The following GALNT11 variants were observed in gnomAD, a reference collection of about 807,000 sequenced individuals.
The protein encoded by GALNT11 is UDP-GalNAc:polypeptide N-acetylgalactosaminyltransferase 11.
A neutral mutation model predicts 72.7 loss-of-function variants in GALNT11; 47 were observed. That is an observed-to-expected ratio of 0.65 (90% CI 0.51 to 0.82). The LOEUF is 0.82. Among genes scored for constraint, GALNT11 ranks in the 40% least tolerant of loss-of-function variants. The pLI is 0.00. For synonymous variants in GALNT11, 270 were observed against 286.6 expected, an observed-to-expected ratio of 0.94 and a Z score of 0.58; for missense variants, 677 against 778.4, an observed-to-expected ratio of 0.87 and a Z score of 1.55.
intron 1 of GALNT11, among the ~76,000 whole-genome samples, chr7:152,026,756 C>T (rs560467433): frequency 6.6e-6 from 1 of 152,338 alleles, no homozygotes; most frequent in African/African-American, 2.4e-5. Context: ...TACCCATGAC[C>T]TGGAAGCCGC....
chr7:152,093,761 A>G (rs2086194861), intron 1 of GALNT11, among the ~76,000 whole-genome samples: 1 of 152,176 alleles, frequency 6.6e-6, no homozygotes, highest in Non-Finnish European at 1.5e-5. Context: ...TTTTAATAAT[A>G]GATTTTTAAG....
At chr7:152,042,558 G>A (rs901487244) in intron 1 of GALNT11, among the ~76,000 whole-genome samples, 6 of 152,100 alleles carry the variant, frequency 3.9e-5, no homozygotes, top group Admixed American at 6.6e-5. Flanking sequence ...AACAATGGCC[G>A]CCATCAAAAA....
At chr7:152,117,522 T>A in intron 9 of GALNT11, 147 bp downstream of exon 9, 1 of 763,890 alleles carries the variant, frequency 1.3e-6, no homozygotes, top group Non-Finnish European at 2.1e-6. Context: ...ATTCTCTTTA[T>A]GGGAACTTCT....
intron 1 of GALNT11, among the ~76,000 whole-genome samples, chr7:152,049,513 C>T (rs1460296587): frequency 6.6e-6 from 1 of 152,154 alleles, no homozygotes; most frequent in African/African-American, 2.4e-5. Flanking sequence ...CTTCCTGGAG[C>T]TGGGGGAGTG....
At chr7:152,111,064 G>A (rs1015566239) in intron 7 of GALNT11, among the ~76,000 whole-genome samples, 1 of 152,104 alleles carries the variant, frequency 6.6e-6, no homozygotes, top group South Asian at 2.1e-4. Flanking sequence ...GATAATATCT[G>A]TTCGAAATGT....
chr7:152,056,727 CAACT>C (rs750457012), intron 1 of GALNT11, among the ~76,000 whole-genome samples: 1 of 152,134 alleles, frequency 6.6e-6, no homozygotes, highest in Non-Finnish European at 1.5e-5. Context: ...GGACAAGACT[CAACT>C]AAATCATGTG....
intron 1 of GALNT11, among the ~76,000 whole-genome samples, chr7:152,053,469 T>C (rs149385043): frequency 2.6e-4 from 40 of 152,374 alleles, no homozygotes; most frequent in African/African-American, 7.2e-4. Context: ...TCTCAACTTA[T>C]CTAAGAAATC....
At chr7:152,049,791 A>G (rs1302631611) in intron 1 of GALNT11, among the ~76,000 whole-genome samples, 1 of 152,080 alleles carries the variant, frequency 6.6e-6, no homozygotes, top group Non-Finnish European at 1.5e-5. Flanking sequence ...TTAGGAATCT[A>G]CCTGGTGCTC....
At chr7:152,109,489 G>A (rs2087951719) in intron 6 of GALNT11, among the ~76,000 whole-genome samples, 1 of 152,084 alleles carries the variant, frequency 6.6e-6, no homozygotes, top group Non-Finnish European at 1.5e-5. Flanking sequence ...TATAAACATG[G>A]TTACTTTTTT....
At chr7:152,096,942 C>G (rs1257725590) in intron 2 of GALNT11, among the ~76,000 whole-genome samples, 1 of 152,130 alleles carries the variant, frequency 6.6e-6, no homozygotes, top group Non-Finnish European at 1.5e-5. Flanking sequence ...ATCCTCCTGC[C>G]TCAGCCTCTC....
Position 152,115,473 on chromosome 7 carries a change from G to A in GALNT11, c.1234-1684G>A, listed in dbSNP as rs571351696. ...GTGAGTATGCGTGCTCATACAAAAAGCACTTCTGCTGTGTACTGAAGTACG... is the reference window on the plus strand; with the variant it reads ...GTGAGTATGCGTGCTCATACAAAAAACACTTCTGCTGTGTACTGAAGTACG... On this transcript the variant is annotated intron_variant, in intron 8 of 11. Transcript: ENST00000430044. Among the ~76,000 whole-genome samples, 12 of 152,298 alleles carry A rather than the reference G, an allele frequency of 7.9e-5. No individual in the cohort carries two copies. The South Asian group carries it at 2.3e-3, about 29-fold the overall frequency.
At chr7:152,028,143 T>G (rs2082123253) in intron 1 of GALNT11, among the ~76,000 whole-genome samples, 1 of 152,174 alleles carries the variant, frequency 6.6e-6, no homozygotes, top group Admixed American at 6.5e-5. Context: ...GAGCAAAGCT[T>G]CCACAGCATG....
chr7:152,042,254 C>T lies in GALNT11; in HGVS notation c.-39+16370C>T, dbSNP rs540604930. Among the ~76,000 whole-genome samples the T allele has an allele frequency of 2.6e-5, 4 of 152,266 alleles. No individual in the cohort carries two copies. The South Asian group carries it at 8.3e-4, about 32-fold the overall frequency. On this transcript the variant is annotated intron_variant, in intron 1 of 11. Transcript: ENST00000430044. ...ATTTTAAATCTATGACTATTAAAGG[C>T]CAATTTTTTGGAATCATAGCAGGAG...
chr7:152,068,578 T>C lies in GALNT11; in HGVS notation c.-38-25612T>C, dbSNP rs547076892. Among the ~76,000 whole-genome samples the C allele has an allele frequency of 6.6e-4, 100 of 152,330 alleles. 1 individual carries two copies. Among genetic ancestry groups the C allele is most frequent in the Non-Finnish European group, 1.1e-3 (73 of 68,028 alleles). ...TAGAGTTATTTGTAATATTTCTTTA[T>C]TATCCTTTTACTGTTCATGGGAACA... is the stretch of plus-strand genomic sequence containing the variant. On this transcript the variant is annotated intron_variant, in intron 1 of 11. Transcript: ENST00000430044.
chr7:152,084,879 A>C (rs2085547090), intron 1 of GALNT11, among the ~76,000 whole-genome samples: 1 of 152,136 alleles, frequency 6.6e-6, no homozygotes, highest in African/African-American at 2.4e-5. Flanking sequence ...CCTACAGGCA[A>C]ATTGTCTGTT....
At chr7:152,089,273 A>G (rs2129032020) in intron 1 of GALNT11, among the ~76,000 whole-genome samples, 1 of 152,286 alleles carries the variant, frequency 6.6e-6, no homozygotes, top group East Asian at 1.9e-4. Flanking sequence ...TCTGTCTGAA[A>G]GATATCTCAA....
intron 4 of GALNT11, chr7:152,104,207 A>G (rs1350483828): frequency 2.0e-5 from 3 of 152,198 alleles, no homozygotes; most frequent in African/African-American, 4.8e-5. Flanking sequence ...CTCAGACCCC[A>G]TAGCTGTTAA....
At chr7:152,051,457 T>C (rs1311752968) in intron 1 of GALNT11, among the ~76,000 whole-genome samples, 1 of 152,148 alleles carries the variant, frequency 6.6e-6, no homozygotes, top group Non-Finnish European at 1.5e-5. Flanking sequence ...ATTAATATGC[T>C]CGTGATGGAC....
chr7:152,110,478 G>A (rs1226476391), intron 6 of GALNT11, 50 bp from the exon 7 acceptor site: 5 of 1,311,646 alleles, frequency 3.8e-6, no homozygotes, highest in Non-Finnish European at 5.4e-6. Flanking sequence ...AAAGTAGTAG[G>A]TAAGATAACT....
Sources: allele counts gnomAD v4.1 joint callset (sites outside exome capture counted in the v4.1 genomes callset), GRCh38; gene constraint gnomAD v4.1.1; transcripts MANE v1.5; gene names NCBI Gene and HGNC (gene_info 2026-07-23, HGNC 2026-07-21).